Variants in SPIDR observed in about 807,000 individuals in gnomAD.
SPIDR encodes scaffold protein involved in DNA repair.
SPIDR carries 93 observed loss-of-function variants against 104.6 expected under a neutral mutation model. That is an observed-to-expected ratio of 0.89 (90% confidence interval 0.75 to 1.06). The LOEUF (loss-of-function observed/expected upper bound fraction) is 1.06, where lower values mean the gene tolerates loss of function less well. SPIDR is among the 50% of genes least tolerant of loss of function. The probability of loss-of-function intolerance (pLI) is 0.00; values close to 1 mark genes in which losing one functional copy is unlikely to be tolerated. For missense variants in SPIDR, 1,154 were observed against 1,111.2 expected, an observed-to-expected ratio of 1.04 and a Z score of -0.55; for synonymous variants, 431 against 416.9, an observed-to-expected ratio of 1.03 and a Z score of -0.41.
Position 47,284,070 on chromosome 8 carries a change from G to C in SPIDR, c.232G>C (p.Glu78Gln). Residue 78 changes from glutamate to glutamine, a missense_variant, in exon 3 of 20, where the codon GAA becomes CAA. Transcript: ENST00000297423. Reference sequence around the variant, plus strand: ...GAAGACGATTACAGAAAAGCACCTTGAATTATGCCCTAGACCCAAGCAAGG... The same window carrying C: ...GAAGACGATTACAGAAAAGCACCTTCAATTATGCCCTAGACCCAAGCAAGG... ...EEKTITEKHL[E>Q]LCPRPKQETT... The C allele has an allele frequency of 6.2e-7, 1 of 1,612,510 alleles. No individual in the cohort carries two copies.
In SPIDR at chr8:47,534,728, T is replaced by A. The variant is rs1282467674; in HGVS notation, c.1098-61083T>A. On this transcript the variant is annotated intron_variant, in intron 8 of 19. Transcript: ENST00000297423. ...AAATAATACATACAAAAAACCCCCA[T>A]GACCCATGTTTACCTATGTAACAAA... Among the ~76,000 whole-genome samples, 3 of 152,004 alleles carry A rather than the reference T, an allele frequency of 2.0e-5. No individual in the cohort carries two copies. The East Asian group carries it at 5.8e-4, about 29-fold the overall frequency.
chr8:47,270,267 T>C (rs2035023605), intron 1 of SPIDR, among the ~76,000 whole-genome samples: 1 of 152,226 alleles, frequency 6.6e-6, no homozygotes. Flanking sequence ...AGCCTCAGCT[T>C]TTCTTTGTAG....
intron 10 of SPIDR, among the ~76,000 whole-genome samples, chr8:47,629,032 A>T (rs1253114419): frequency 1.3e-5 from 2 of 152,246 alleles, no homozygotes; most frequent in African/African-American, 4.8e-5. Context: ...AAGGACTGAG[A>T]TTCTCCCTTT....
chr8:47,548,253 G>A (rs1023770008), intron 8 of SPIDR, among the ~76,000 whole-genome samples: 4 of 152,186 alleles, frequency 2.6e-5, no homozygotes, highest in Non-Finnish European at 4.4e-5. Flanking sequence ...TTATACAGAC[G>A]AAGTGAATTG....
At chr8:47,609,663 T>C (rs1588348211) in intron 10 of SPIDR, among the ~76,000 whole-genome samples, 1 of 152,210 alleles carries the variant, frequency 6.6e-6, no homozygotes, top group Non-Finnish European at 1.5e-5. Flanking sequence ...GTTACAGCTA[T>C]CTGATTGAAA....
chr8:47,702,098 T>TCTCTCTCACAC (rs1563597873), intron 14 of SPIDR, 83 bp downstream of exon 14: 2 of 62,942 alleles, frequency 3.2e-5, no homozygotes, highest in African/African-American at 1.5e-4. Flanking sequence ...CTCTCTCTCT[T>TCTCTCTCACAC]ACACACACAC....
At chr8:47,328,732 G>A (rs1225960905) in intron 5 of SPIDR, among the ~76,000 whole-genome samples, 7 of 151,978 alleles carry the variant, frequency 4.6e-5, no homozygotes, top group African/African-American at 1.7e-4. Context: ...CTTTGGCTGG[G>A]TTAATTTATG....
intron 8 of SPIDR, among the ~76,000 whole-genome samples, chr8:47,575,520 G>T (rs1017731650): frequency 1.6e-4 from 24 of 151,136 alleles, no homozygotes; most frequent in Non-Finnish European, 2.8e-4. Flanking sequence ...GGTAGTGGGC[G>T]CCTGTAGTCC....
At chr8:47,455,982 C>A (rs1586008877) in intron 8 of SPIDR, among the ~76,000 whole-genome samples, 8 of 152,154 alleles carry the variant, frequency 5.3e-5, no homozygotes, top group Admixed American at 4.6e-4. Flanking sequence ...AAGGATTCAA[C>A]AGCTGTATAA....
chr8:47,265,387 T>G (rs1440155990), intron 1 of SPIDR, among the ~76,000 whole-genome samples: 1 of 151,520 alleles, frequency 6.6e-6, no homozygotes, highest in Non-Finnish European at 1.5e-5. Flanking sequence ...GATAGAGTCT[T>G]GCTGTGTTGC....
At chr8:47,468,509 T>C (rs2075235723) in intron 8 of SPIDR, among the ~76,000 whole-genome samples, 1 of 152,036 alleles carries the variant, frequency 6.6e-6, no homozygotes, top group Admixed American at 6.6e-5. Context: ...AACAGACACA[T>C]AGACCAATGG....
chr8:47,473,597 C>T (rs1053385147), intron 8 of SPIDR, among the ~76,000 whole-genome samples: 1 of 152,190 alleles, frequency 6.6e-6, no homozygotes, highest in Non-Finnish European at 1.5e-5. Context: ...GTGCATGACA[C>T]CATGGTGCCT....
chr8:47,505,977 T>C (rs762636557), intron 8 of SPIDR, among the ~76,000 whole-genome samples: 24 of 152,256 alleles, frequency 1.6e-4, no homozygotes, highest in African/African-American at 2.9e-4. Flanking sequence ...ATTGAATGTA[T>C]CTTCTGACTC....
At chr8:47,316,176 A>G (rs1473755158) in intron 5 of SPIDR, among the ~76,000 whole-genome samples, 1 of 152,194 alleles carries the variant, frequency 6.6e-6, no homozygotes, top group African/African-American at 2.4e-5. Flanking sequence ...TGCTATATTG[A>G]ATGGCCAGTG....
At chr8:47,446,473 T>C (rs782515181) in intron 8 of SPIDR, among the ~76,000 whole-genome samples, 1 of 152,160 alleles carries the variant, frequency 6.6e-6, no homozygotes, top group Non-Finnish European at 1.5e-5. Flanking sequence ...TACAAGGAGA[T>C]GAACGTCGTT....
intron 7 of SPIDR, among the ~76,000 whole-genome samples, chr8:47,424,462 AC>A (rs2066090147): frequency 6.6e-6 from 1 of 151,854 alleles, no homozygotes; most frequent in Non-Finnish European, 1.5e-5. Flanking sequence ...ATGCCACCAC[AC>A]CCAGCTGTTT....
At chr8:47,370,782 T>A (rs2057908029) in intron 5 of SPIDR, among the ~76,000 whole-genome samples, 1 of 152,084 alleles carries the variant, frequency 6.6e-6, no homozygotes, top group Non-Finnish European at 1.5e-5. Flanking sequence ...TCTCGCATAG[T>A]AGATTTTTAA....
intron 8 of SPIDR, among the ~76,000 whole-genome samples, chr8:47,449,472 G>T (rs1248332203): frequency 6.6e-6 from 1 of 152,164 alleles, no homozygotes; most frequent in African/African-American, 2.4e-5. Context: ...ATTCACAACT[G>T]CTTTGGTTCC....
intron 1 of SPIDR, among the ~76,000 whole-genome samples, chr8:47,273,359 C>T (rs969450714): frequency 2.0e-5 from 3 of 152,164 alleles, no homozygotes; most frequent in Non-Finnish European, 2.9e-5. Context: ...AGCAGATGAA[C>T]AGCCAGATGA....
Sources: gnomAD v4.1 joint callset for allele counts (sites outside exome capture counted in the v4.1 genomes callset) on GRCh38, gnomAD v4.1.1 for gene constraint, MANE v1.5 for transcripts, NCBI Gene and HGNC (gene_info 2026-07-23, HGNC 2026-07-21) for gene names.